NTM: variants seen among roughly 807,000 people sequenced by gnomAD.
NTM encodes neurotrimin, also known as IgLON family member 2.
NTM carries 13 observed loss-of-function variants against 42.1 expected under a neutral mutation model. That is an observed-to-expected ratio of 0.31 (90% CI 0.20 to 0.49). The LOEUF is 0.49. Ranked by LOEUF, NTM falls within the 20% of genes least tolerant of loss-of-function variation. NTM has a pLI of 0.99. For missense variants in NTM, 373 were observed against 452.8 expected, an observed-to-expected ratio of 0.82 and a Z score of 1.60; for synonymous variants, 187 against 179.2, an observed-to-expected ratio of 1.04 and a Z score of -0.35.
intron 1 of NTM, among the ~76,000 whole-genome samples, chr11:131,717,730 G>A: frequency 6.6e-6 from 1 of 152,096 alleles, no homozygotes. Context: ...TATTGTATTA[G>A]CTAGATTCTC....
At chr11:131,806,903 C>A (rs1401433889) in intron 1 of NTM, among the ~76,000 whole-genome samples, 5 of 152,164 alleles carry the variant, frequency 3.3e-5, no homozygotes, top group Non-Finnish European at 7.4e-5. Flanking sequence ...AACACATAAA[C>A]CACTACCAAA....
rs563161290 is a variant in NTM, at chr11:131,696,220, G to A, written c.83-215344G>A. On this transcript the variant is annotated intron_variant, in intron 1 of 8. Transcript: ENST00000683400. ...GGTGATGTTGGGTGTTCATTGTCAC[G>A]TGATGACTGTGGAAGGATGACACAG... Among the ~76,000 whole-genome samples, 401 of 152,302 alleles carry A rather than the reference G, an allele frequency of 2.6e-3. 2 individuals carry two copies. The highest frequency in any genetic ancestry group is 9.4e-3 in the African/African-American group (390 of 41,568).
chr11:131,995,524 G>A (rs774782819), intron 2 of NTM, among the ~76,000 whole-genome samples: 1 of 152,114 alleles, frequency 6.6e-6, no homozygotes, highest in Non-Finnish European at 1.5e-5. Flanking sequence ...AGTCAGCCAG[G>A]CAAAGTTGTA....
chr11:131,396,477 CATA>C (rs1156743794), intron 1 of NTM, among the ~76,000 whole-genome samples: 39 of 152,190 alleles, frequency 2.6e-4, no homozygotes, highest in African/African-American at 8.9e-4. Flanking sequence ...TTTCACCAGC[CATA>C]AAAGTATATT....
intron 1 of NTM, among the ~76,000 whole-genome samples, chr11:131,480,382 C>G (rs1043910631): frequency 3.3e-5 from 5 of 152,120 alleles, no homozygotes; most frequent in African/African-American, 1.2e-4. Flanking sequence ...CCACCAAAAG[C>G]TGTCGCTTGA....
intron 1 of NTM, among the ~76,000 whole-genome samples, chr11:131,585,942 C>T (rs2058821170): frequency 6.6e-6 from 1 of 152,322 alleles, no homozygotes; most frequent in African/African-American, 2.4e-5. Flanking sequence ...GGCTTCCATC[C>T]CCACAAGTTC....
chr11:132,290,680 T>A (rs957517163), intron 4 of NTM, among the ~76,000 whole-genome samples: 2 of 152,206 alleles, frequency 1.3e-5, no homozygotes, highest in Non-Finnish European at 2.9e-5. Context: ...GGACCTTTAC[T>A]CTGAAGGGAG....
intron 1 of NTM, among the ~76,000 whole-genome samples, chr11:131,896,262 C>A (rs1463455381): frequency 6.6e-6 from 1 of 152,132 alleles, no homozygotes; most frequent in Non-Finnish European, 1.5e-5. Context: ...ACATATAACA[C>A]CTATCACATA....
intron 1 of NTM, among the ~76,000 whole-genome samples, chr11:131,906,514 G>C (rs910081866): frequency 1.3e-5 from 2 of 152,028 alleles, no homozygotes; most frequent in Non-Finnish European, 2.9e-5. Context: ...GTGATGTTAC[G>C]AGTCCAGGGT....
chr11:132,088,210 T>C (rs2059967441), intron 2 of NTM, among the ~76,000 whole-genome samples: 1 of 152,122 alleles, frequency 6.6e-6, no homozygotes, highest in African/African-American at 2.4e-5. Flanking sequence ...CAGGGTTGGA[T>C]TGAGGCCAAC....
intron 1 of NTM, among the ~76,000 whole-genome samples, chr11:131,699,347 G>A (rs1476156909): frequency 3.3e-5 from 5 of 152,188 alleles, no homozygotes; most frequent in Non-Finnish European, 7.3e-5. Flanking sequence ...AACTATCTCT[G>A]ATATAAGCTT....
chr11:132,042,611 C>G (rs1385159375), intron 2 of NTM, among the ~76,000 whole-genome samples: 1 of 152,130 alleles, frequency 6.6e-6, no homozygotes, highest in African/African-American at 2.4e-5. Context: ...GACAAAGAGC[C>G]TTTGAGCTTA....
chr11:131,564,737 A>G (rs2056667962), intron 1 of NTM, among the ~76,000 whole-genome samples: 1 of 152,176 alleles, frequency 6.6e-6, no homozygotes, highest in Non-Finnish European at 1.5e-5. Flanking sequence ...CATGAGATCT[A>G]GCCCCTTAAC....
At chr11:131,775,046 A>C (rs2086743142) in intron 1 of NTM, among the ~76,000 whole-genome samples, 1 of 152,240 alleles carries the variant, frequency 6.6e-6, no homozygotes, top group African/African-American at 2.4e-5. Flanking sequence ...CCCAGTTTAC[A>C]GTCAGTATGA....
At chr11:131,903,963 CA>C (rs1219748451) in intron 1 of NTM, among the ~76,000 whole-genome samples, 1 of 151,924 alleles carries the variant, frequency 6.6e-6, no homozygotes, top group Non-Finnish European at 1.5e-5. Flanking sequence ...TTTTGACAAA[CA>C]AAGGAGCTAA....
At chr11:132,057,721 A>G (rs1279817902) in intron 2 of NTM, among the ~76,000 whole-genome samples, 1 of 152,202 alleles carries the variant, frequency 6.6e-6, no homozygotes, top group African/African-American at 2.4e-5. Flanking sequence ...CCCTAAAGAA[A>G]CATCTTAGTT....
chr11:132,110,127 T>C (rs1023386919), intron 2 of NTM, among the ~76,000 whole-genome samples: 2 of 152,242 alleles, frequency 1.3e-5, no homozygotes, highest in Non-Finnish European at 2.9e-5. Context: ...GCATCTTTTT[T>C]CTTCCTGTTT....
At chr11:132,230,634 C>T (rs1242611444) in intron 4 of NTM, among the ~76,000 whole-genome samples, 1 of 152,260 alleles carries the variant, frequency 6.6e-6, no homozygotes, top group Non-Finnish European at 1.5e-5. Context: ...GCCATCTCCT[C>T]TGTCAAGTTA....
At chr11:131,885,935 G>A (rs1184347268) in intron 1 of NTM, among the ~76,000 whole-genome samples, 2 of 152,110 alleles carry the variant, frequency 1.3e-5, no homozygotes, top group Admixed American at 6.5e-5. Flanking sequence ...TTTCTGCCTT[G>A]GAAGGCTCTT....
Sources: gnomAD v4.1 joint callset for allele counts (sites outside exome capture counted in the v4.1 genomes callset) on GRCh38, gnomAD v4.1.1 for gene constraint, MANE v1.5 for transcripts, NCBI Gene and HGNC (gene_info 2026-07-23, HGNC 2026-07-21) for gene names.